Variants in ADGRA3 observed in about 807,000 individuals in gnomAD.
The protein encoded by ADGRA3 is G-protein coupled receptor 125.
In ADGRA3, 56 loss-of-function variants were observed where a neutral mutation model predicts 119.8. The ratio of observed to expected loss-of-function variants is 0.47; its 90% CI spans 0.38 to 0.58. ADGRA3 has a LOEUF of 0.58. Among genes scored for constraint, ADGRA3 ranks in the 20% least tolerant of loss-of-function variants. ADGRA3 has a pLI of 0.00. For synonymous variants in ADGRA3, 607 were observed against 623.8 expected (o/e 0.97, Z 0.40); for missense variants, 1,516 against 1,649.0 (o/e 0.92, Z 1.40).
rs1380526639 is a variant in ADGRA3 at position 22,388,100 on chromosome 4, C to T, written c.3571G>A (p.Ala1191Thr). The T allele has an allele frequency of 1.2e-6, 2 of 1,614,174 alleles. No individual in the cohort carries two copies. Among genetic ancestry groups the T allele is most frequent in the East Asian group, 2.2e-5 (1 of 44,862 alleles). The stretch of plus-strand genomic sequence containing the variant: ...TCCACGCTCGTTGGGACATCGTAGG[C>T]ATATTCTCTCAGGACTGTGAGTCGG... The part of the protein sequence containing the change: ...ASRLTVLREY[A>T]YDVPTSVEGS... Residue 1191 changes from alanine (A) to threonine (T), a missense_variant, in exon 19 of 19, where the codon GCC (alanine) becomes ACC (threonine). Transcript: ENST00000334304.
chr4:22,410,681 T>C (rs1282565100), intron 14 of ADGRA3, among the ~76,000 whole-genome samples: 1 of 152,140 alleles, frequency 6.6e-6, no homozygotes, highest in Non-Finnish European at 1.5e-5. Context: ...TTTCTAATTT[T>C]TTAAAAACAA....
At chr4:22,467,757 C>T (rs1471931795) in intron 2 of ADGRA3, among the ~76,000 whole-genome samples, 4 of 152,138 alleles carry the variant, frequency 2.6e-5, no homozygotes, top group Non-Finnish European at 5.9e-5. Context: ...CATTTAACAT[C>T]CCCTTTTTCC....
intron 14 of ADGRA3, among the ~76,000 whole-genome samples, chr4:22,406,524 T>C (rs1022931704): frequency 6.6e-6 from 1 of 152,204 alleles, no homozygotes; most frequent in African/African-American, 2.4e-5. Context: ...AGGTATCTTA[T>C]TGTGGTTTTG....
intron 1 of ADGRA3, among the ~76,000 whole-genome samples, chr4:22,505,986 C>T (rs891676608): frequency 6.6e-6 from 1 of 152,062 alleles, no homozygotes; most frequent in Admixed American, 6.5e-5. Context: ...AACTAGGATA[C>T]AAATTATCAA....
At chr4:22,478,446 A>C (rs1718131847) in intron 1 of ADGRA3, among the ~76,000 whole-genome samples, 2 of 152,226 alleles carry the variant, frequency 1.3e-5, no homozygotes, top group South Asian at 4.1e-4. Context: ...TTTTGAGAGA[A>C]ATTTAAAAAT....
chr4:22,398,135 C>T (rs1714445413), intron 16 of ADGRA3: 1 of 983,402 alleles, frequency 1.0e-6, no homozygotes, highest in South Asian at 4.7e-5. Flanking sequence ...TGTGTAGTAA[C>T]AGCCTAAAAC....
intron 13 of ADGRA3, 84 bp from the exon 14 acceptor site, chr4:22,413,474 C>A (rs1324654393): frequency 4.3e-6 from 6 of 1,385,404 alleles, no homozygotes; most frequent in Non-Finnish European, 6.1e-6. Context: ...AATGGGTACT[C>A]TGCAAGATCT....
chr4:22,488,557 C>T (rs1015992879), intron 1 of ADGRA3, among the ~76,000 whole-genome samples: 2 of 151,982 alleles, frequency 1.3e-5, no homozygotes, highest in Non-Finnish European at 1.5e-5. Context: ...CCAACGCAAG[C>T]GTGAAGAGGG....
At chr4:22,434,233 A>AGT (rs1264613535) in intron 10 of ADGRA3, among the ~76,000 whole-genome samples, 2 of 148,558 alleles carry the variant, frequency 1.3e-5, no homozygotes, top group South Asian at 2.1e-4. Context: ...GTGATATATA[A>AGT]GTGTGTGTAT....
Position 22,413,170 on chromosome 4 carries a change from C to T in ADGRA3, c.2232+12G>A, listed in dbSNP as rs771358331. 13 of 1,576,618 alleles carry T rather than the reference C, an allele frequency of 8.2e-6. No individual in the cohort carries two copies. In the South Asian group the frequency reaches 1.3e-4, roughly 16 times the overall value. ...GAATAGTGTTTATGCATAAAGTTAA[C>T]AACTGCCATACCATTAAAACTGCAT... is the stretch of plus-strand genomic sequence containing the variant. On this transcript the variant is annotated intron_variant, in intron 14 of 18. Transcript: ENST00000334304.
chr4:22,391,109 G>A (rs1369728881), intron 17 of ADGRA3, among the ~76,000 whole-genome samples: 1 of 152,080 alleles, frequency 6.6e-6, no homozygotes. Context: ...TAAGGTCCAA[G>A]TATCGTTCTT....
chr4:22,447,499 C>A lies in ADGRA3; in HGVS notation c.486G>T (p.Gly162=). The change falls in exon 5 of 19, where the codon GGG becomes GGT. Residue 162 remains glycine, a synonymous_variant. Coordinates refer to ENST00000334304, the MANE Select transcript of ADGRA3 (RefSeq NM_145290.4). Reference sequence around the variant, plus strand: ...CTTGAGATAATGAAGAAAACAAATTCCCCGAAAGGTTTCTGAAAGACAGAA... The same window carrying A: ...CTTGAGATAATGAAGAAAACAAATTACCCGAAAGGTTTCTGAAAGACAGAA... ...LTNLVRLNLS[G]NLFSSLSQGT... 1 of 1,571,242 alleles carries A rather than the reference C, an allele frequency of 6.4e-7. No homozygotes were observed. Among genetic ancestry groups the A allele is most frequent in the East Asian group, 2.3e-5 (1 of 43,980 alleles).
chr4:22,435,506 T>A, intron 9 of ADGRA3, 40 bp from the exon 10 acceptor site: 3 of 1,531,006 alleles, frequency 2.0e-6, no homozygotes, highest in Non-Finnish European at 2.7e-6. Flanking sequence ...AAACAGTCAT[T>A]AGCAAAATGA....
At chr4:22,400,546 A>T (rs1714586237) in intron 16 of ADGRA3, among the ~76,000 whole-genome samples, 1 of 152,146 alleles carries the variant, frequency 6.6e-6, no homozygotes, top group African/African-American at 2.4e-5. Flanking sequence ...GGAGGAGAAG[A>T]AAAAAGGGGT....
chr4:22,474,709 C>T (rs959962143), intron 1 of ADGRA3, among the ~76,000 whole-genome samples: 1 of 152,200 alleles, frequency 6.6e-6, no homozygotes, highest in Non-Finnish European at 1.5e-5. Flanking sequence ...TAGCCAATGG[C>T]AGACCCAGAT....
intron 3 of ADGRA3, among the ~76,000 whole-genome samples, chr4:22,461,353 T>G (rs1717445274): frequency 6.6e-6 from 1 of 152,376 alleles, no homozygotes; most frequent in South Asian, 2.1e-4. Flanking sequence ...CGCTCTGTCT[T>G]GCAGTGGCAC....
chr4:22,413,225 G>A lies in ADGRA3; in HGVS notation c.2189C>T (p.Thr730Ile). 1.9e-6 allele frequency: 3 copies of A among 1,614,028 alleles called. No individual in the cohort carries two copies. Among genetic ancestry groups the A allele is most frequent in the South Asian group, 1.1e-5 (1 of 91,086 alleles). Residue 730 changes from threonine to isoleucine, a missense_variant, in exon 14 of 19, where the codon ACT becomes ATT. Thr to Ile is a moderately conservative substitution (Grantham distance 89). Transcript: ENST00000334304. ...ACTAAGGGAGTAGCACTGAATCGTA[G>A]TGATATTTTCATCTGAATAGAGTAT... ...CHILYSDENI[T>I]TIQCYSLSNY...
intron 1 of ADGRA3, among the ~76,000 whole-genome samples, chr4:22,481,990 C>T (rs1718273532): frequency 1.3e-5 from 2 of 152,142 alleles, no homozygotes; most frequent in South Asian, 4.2e-4. Context: ...ATGGCATCAG[C>T]AATTAAATCA....
rs139755846 is a variant in ADGRA3, at chr4:22,472,568, C to T, written c.329+1204G>A. Reference sequence around the variant, plus strand: ...ATATATATACACACAAACACACACACACACGTATATAACCTAACTTAAAGA... The same window carrying T: ...ATATATATACACACAAACACACACATACACGTATATAACCTAACTTAAAGA... On this transcript the variant is annotated intron_variant, in intron 2 of 18. Transcript: ENST00000334304. Among the ~76,000 whole-genome samples the T allele has an allele frequency of 2.7e-3, 412 of 152,248 alleles. 2 individuals carry two copies. Among genetic ancestry groups the T allele is most frequent in the Non-Finnish European group, 4.4e-3 (297 of 68,014 alleles).
Sources: allele counts gnomAD v4.1 joint callset (sites outside exome capture counted in the v4.1 genomes callset), GRCh38; gene constraint gnomAD v4.1.1; transcripts MANE v1.5; gene names NCBI Gene and HGNC (gene_info 2026-07-23, HGNC 2026-07-21).